Variants in ZFAND2B observed in about 807,000 individuals in gnomAD.
The protein encoded by ZFAND2B is zinc finger AN1-type containing 2B, also known as AN1-type zinc finger protein 2B.
ZFAND2B carries 27 observed loss-of-function variants against 38.2 expected under a neutral mutation model. That is an observed-to-expected ratio of 0.71 (90% CI 0.52 to 0.97). ZFAND2B has a LOEUF of 0.97. Among genes scored for constraint, ZFAND2B ranks in the 50% least tolerant of loss-of-function variants. The pLI, the probability that ZFAND2B is intolerant of heterozygous loss-of-function variation, is 0.00. For synonymous variants in ZFAND2B, 111 were observed against 119.4 expected (o/e 0.93, Z 0.46); for missense variants, 303 against 331.5 (o/e 0.91, Z 0.67).
chr2:219,206,890 C>A lies in ZFAND2B; in HGVS notation c.-98C>A. The A allele has an allele frequency of 1.5e-6, 2 of 1,357,658 alleles. No homozygotes were observed. Among genetic ancestry groups the A allele is most frequent in the Non-Finnish European group, 2.0e-6 (2 of 987,836 alleles). The allele number at this position is 1,357,658 out of a possible 1,614,324, so 84.1% of individuals were successfully genotyped here. A position where few individuals can be genotyped will look rare whatever the true frequency, so the allele number is the denominator to read the frequency against. ...GGAGAGGAAGGGGCGGGGCAGGGAG[C>A]CCGCCAGAGTGCGGGGTCGCGGTGC... On this transcript the variant is annotated 5_prime_UTR_variant, in exon 1 of 9. Coordinates refer to ENST00000289528, the MANE Select transcript of ZFAND2B (RefSeq NM_138802.3).
chr2:219,209,132 T>C, intron 8 of ZFAND2B, 83 bp downstream of exon 8: 1 of 1,590,476 alleles, frequency 6.3e-7, no homozygotes, highest in Admixed American at 1.7e-5. Flanking sequence ...TGGTGCAGAG[T>C]TTTGGAATGG....
intron 2 of ZFAND2B, 93 bp from the exon 3 acceptor site, chr2:219,207,555 G>A (rs1342066999): frequency 5.7e-6 from 9 of 1,588,858 alleles, no homozygotes; most frequent in Non-Finnish European, 7.7e-6. Flanking sequence ...GTTTTTTTGC[G>A]TGTTTGTGGT....
Position 219,209,511 on chromosome 2 carries a change from G to A in ZFAND2B, c.*205G>A, listed in dbSNP as rs1184571925. On this transcript the variant is annotated 3_prime_UTR_variant, in exon 9 of 9. Transcript: ENST00000289528. The stretch of plus-strand genomic sequence containing the variant: ...CGGCTAGCAACTGTTCCCTGGTTGG[G>A]CCCTCAGTGGATGCTGGCCAGGCCC... 12 of 723,812 alleles carry A rather than the reference G, an allele frequency of 1.7e-5. No individual in the cohort carries two copies. Among genetic ancestry groups the A allele is most frequent in the Non-Finnish European group, 2.5e-5 (10 of 394,854 alleles). 44.8% of individuals were successfully genotyped at this position (723,812 alleles called of 1,614,324 possible). A position where few individuals can be genotyped will look rare whatever the true frequency, so the allele number is the denominator to read the frequency against.
At position 219,207,737 on chromosome 2, in the gene ZFAND2B, T is replaced by G. The variant is rs182559944; in HGVS notation, c.240T>G (p.Ile80Met). 1.5e-5 allele frequency: 25 copies of G among 1,614,148 alleles called. No individual in the cohort carries two copies. Among genetic ancestry groups the G allele is most frequent in the East Asian group, 4.5e-5 (2 of 44,882 alleles). ...EPPDRAVGEH[I>M]DRDCRSDPAQ... ...CTGACCGTGCTGTGGGAGAGCACAT[T>G]GACAGAGACTGTCGCTCTGATCCAG... The change falls in exon 3 of 9, where the codon ATT becomes ATG. Residue 80 changes from isoleucine to methionine, a missense_variant. Transcript: ENST00000289528.
intron 1 of ZFAND2B, 140 bp downstream of exon 1, chr2:219,207,182 G>T: frequency 7.4e-7 from 1 of 1,357,318 alleles, no homozygotes. Flanking sequence ...AGCGGCAGAG[G>T]GGGCGTGGCC....
At chr2:219,207,481 A>C (rs1331390818) in intron 2 of ZFAND2B, 60 bp downstream of exon 2, 4 of 1,589,076 alleles carry the variant, frequency 2.5e-6, no homozygotes, top group Non-Finnish European at 3.4e-6. Context: ...AGAATCCCCC[A>C]AATCTGTGTC....
At position 219,207,305 on chromosome 2, in the gene ZFAND2B, C is replaced by G. The variant is rs757424953; in HGVS notation, c.56-22C>G. On this transcript the variant is annotated intron_variant, in intron 1 of 8. Coordinates refer to ENST00000289528, the MANE Select transcript of ZFAND2B (RefSeq NM_138802.3). ...GGACATCGAGGTCCCGCTGGACCTG[C>G]AATCCGACCAACTCTTTGCAGATTT... is the stretch of plus-strand genomic sequence containing the variant. 13 of 1,611,826 alleles carry G rather than the reference C, an allele frequency of 8.1e-6. No homozygotes were observed. The South Asian group carries it at 1.3e-4, about 16-fold the overall frequency.
At position 219,208,493 on chromosome 2, in the gene ZFAND2B, T is replaced by C; in HGVS notation, c.588+7T>C. On this transcript the variant is annotated splice_region_variant and intron_variant, in intron 6 of 8. Coordinates refer to ENST00000289528, the MANE Select transcript of ZFAND2B (RefSeq NM_138802.3). ...TGCTTTGCAGAATGGCCTGGTGAGT[T>C]GGGCAGAGGTTGGATGGACAGAAAC... 6.2e-7 allele frequency: 1 copy of C among 1,614,234 alleles called. No homozygotes were observed. The highest frequency in any genetic ancestry group is 8.5e-7 in the Non-Finnish European group (1 of 1,180,040).
At position 219,207,680 on chromosome 2, in the gene ZFAND2B, T is replaced by C. The variant is rs773711209; in HGVS notation, c.183T>C (p.Asn61=). The change falls in exon 3 of 9, where the codon AAT becomes AAC. Residue 61 remains asparagine (N), a synonymous_variant. Transcript: ENST00000289528. ...AGGTACCTGTGTGCCCTCTCTGTAA[T>C]GTGCCTGTGCCTGTGGCCAGAGGGG... ...DIQVPVCPLC[N]VPVPVARGEP... is the part of the protein sequence containing the mutation. 5 of 1,614,126 alleles carry C rather than the reference T, an allele frequency of 3.1e-6. No individual in the cohort carries two copies. The East Asian group carries it at 1.1e-4, about 36-fold the overall frequency.
chr2:219,209,205 C>A, intron 8 of ZFAND2B, 57 bp from the exon 9 acceptor site: 1 of 1,577,142 alleles, frequency 6.3e-7, no homozygotes, highest in Non-Finnish European at 8.6e-7. Context: ...GAGGGCTGTC[C>A]CTCATTTCCT....
rs773314117 is a variant in ZFAND2B at position 219,209,319 on chromosome 2, G to A, written c.*13G>A. The A allele has an allele frequency of 6.2e-7, 1 of 1,609,188 alleles. No homozygotes were observed. Among genetic ancestry groups the A allele is most frequent in the South Asian group, 1.1e-5 (1 of 89,682 alleles). Reference sequence around the variant, plus strand: ...CAGCCTGTGCTAGGGCCCTGGGCTTGGGGAGGGAGGTTCACCTGAGGAGGA... The same window carrying A: ...CAGCCTGTGCTAGGGCCCTGGGCTTAGGGAGGGAGGTTCACCTGAGGAGGA... On this transcript the variant is annotated 3_prime_UTR_variant, in exon 9 of 9. Coordinates refer to ENST00000289528, the MANE Select transcript of ZFAND2B (RefSeq NM_138802.3).
chr2:219,206,798 C>A lies in ZFAND2B; in HGVS notation c.-190C>A, dbSNP rs553132365. ...CGGGATGACGTCAGCGCGCCGCGCG[C>A]GCCGAGGGAGGAGCGGGCGCCGGGG... On this transcript the variant is annotated 5_prime_UTR_variant, in exon 1 of 9. Coordinates refer to ENST00000289528, the MANE Select transcript of ZFAND2B (RefSeq NM_138802.3). 1 of 510,924 alleles carries A rather than the reference C, an allele frequency of 2.0e-6. No homozygotes were observed. The highest frequency in any genetic ancestry group is 3.2e-6 in the Non-Finnish European group (1 of 308,286). The allele number at this position is 510,924 out of a possible 1,614,324, so 31.6% of individuals were successfully genotyped here.
rs1950520283 is a variant in ZFAND2B at position 219,208,264 on chromosome 2, C to T, written c.443C>T (p.Ala148Val). 2 of 1,614,098 alleles carry T rather than the reference C, an allele frequency of 1.2e-6. No individual in the cohort carries two copies. Among genetic ancestry groups the T allele is most frequent in the African/African-American group, 1.3e-5 (1 of 74,928 alleles). ...GHPTSRAGLA[A>V]ISRAQAVAST... The stretch of plus-strand genomic sequence containing the variant: ...ATCTCTCTTCCCTACAGACTTGCTG[C>T]CATCTCCAGAGCACAAGCTGTGGCT... The change falls in exon 5 of 9, where the codon GCC becomes GTC. Residue 148 changes from alanine to valine, a missense_variant. Transcript: ENST00000289528.
intron 7 of ZFAND2B, 63 bp downstream of exon 7, chr2:219,208,702 T>C (rs1357265702): frequency 6.3e-7 from 1 of 1,579,784 alleles, no homozygotes; most frequent in East Asian, 2.2e-5. Flanking sequence ...TGGAGGCAGG[T>C]AGGTGGGACC....
At position 219,206,956 on chromosome 2, in the gene ZFAND2B, G is replaced by A. The variant is rs773512722; in HGVS notation, c.-32G>A. On this transcript the variant is annotated 5_prime_UTR_variant, in exon 1 of 9. Transcript: ENST00000289528. Reference sequence around the variant, plus strand: ...GCCCTAAAGACGCTCAGCACTCGTCGCTTCTCCTAGCAGACCCTGCCCGGC... The same window carrying A: ...GCCCTAAAGACGCTCAGCACTCGTCACTTCTCCTAGCAGACCCTGCCCGGC... 7 of 1,611,158 alleles carry A rather than the reference G, an allele frequency of 4.3e-6. No individual in the cohort carries two copies. Among genetic ancestry groups the A allele is most frequent in the Non-Finnish European group, 8.5e-7 (1 of 1,178,918 alleles).
In ZFAND2B at chr2:219,209,418, A is replaced by C. The variant is rs1950543956; in HGVS notation, c.*112A>C. 1 of 1,317,752 alleles carries C rather than the reference A, an allele frequency of 7.6e-7. No homozygotes were observed. The highest frequency in any genetic ancestry group is 1.5e-5 in the African/African-American group (1 of 68,950). 81.6% of individuals were successfully genotyped at this position (1,317,752 alleles called of 1,614,324 possible). On this transcript the variant is annotated 3_prime_UTR_variant, in exon 9 of 9. Coordinates refer to ENST00000289528, the MANE Select transcript of ZFAND2B (RefSeq NM_138802.3). Reference sequence around the variant, plus strand: ...ACCCTGGAGGGCAGAGACAAGCGGGAGTGATGTGGAGGTCGCCCTGGGAGC... The same window carrying C: ...ACCCTGGAGGGCAGAGACAAGCGGGCGTGATGTGGAGGTCGCCCTGGGAGC...
At chr2:219,207,576 C>G in intron 2 of ZFAND2B, 72 bp from the exon 3 acceptor site, 1 of 1,602,012 alleles carries the variant, frequency 6.2e-7, no homozygotes, top group Non-Finnish European at 8.5e-7. Flanking sequence ...GGGTCATATC[C>G]AAGTTCTTTC....
At chr2:219,207,493 C>T (rs1950504862) in intron 2 of ZFAND2B, 72 bp downstream of exon 2, 4 of 1,584,570 alleles carry the variant, frequency 2.5e-6, no homozygotes, top group Non-Finnish European at 3.5e-6. Flanking sequence ...ATCTGTGTCT[C>T]ACGTTTCTTC....
At chr2:219,207,848 CAG>C in intron 3 of ZFAND2B, 37 bp from the exon 4 acceptor site, 3 of 1,613,776 alleles carry the variant, frequency 1.9e-6, no homozygotes, top group East Asian at 2.2e-5. Flanking sequence ...AACAGCTAAT[CAG>C]AGTCTCAGCA....
Sources: gnomAD v4.1 joint callset for allele counts on GRCh38, gnomAD v4.1.1 for gene constraint, MANE v1.5 for transcripts, NCBI Gene and HGNC (gene_info 2026-07-23, HGNC 2026-07-21) for gene names.